The following ADARB2 variants were observed in gnomAD, a reference collection of about 807,000 sequenced individuals.
The protein encoded by ADARB2 is inactive double-stranded RNA-specific editase B2.
Under a neutral mutation model 62.2 loss-of-function variants are expected in ADARB2, and 25 were observed. That is an observed-to-expected ratio of 0.40 (90% CI 0.29 to 0.56). The LOEUF is 0.56. Among genes scored for constraint, ADARB2 ranks in the 20% least tolerant of loss-of-function variants. The pLI, the probability that ADARB2 is intolerant of heterozygous loss-of-function variation, is 0.43. For synonymous variants in ADARB2, 572 were observed against 500.8 expected (o/e 1.14, Z -1.90); for missense variants, 1,071 against 1,077.4 (o/e 0.99, Z 0.08).
intron 3 of ADARB2, among the ~76,000 whole-genome samples, chr10:1,346,684 C>A (rs1047915772): frequency 6.6e-6 from 1 of 152,250 alleles, no homozygotes; most frequent in Non-Finnish European, 1.5e-5. Context: ...GGCAGAGATG[C>A]CAGGGGTGCC....
At chr10:1,444,793 C>A (rs551247807) in intron 1 of ADARB2, among the ~76,000 whole-genome samples, 1 of 149,846 alleles carries the variant, frequency 6.7e-6, no homozygotes, top group African/African-American at 2.5e-5. Context: ...ATCCATCCAC[C>A]CACTCATTCA....
chr10:1,369,080 A>T (rs181513262), intron 2 of ADARB2, among the ~76,000 whole-genome samples: 36 of 152,334 alleles, frequency 2.4e-4, no homozygotes, highest in Admixed American at 3.9e-4. Context: ...AACCACTCAC[A>T]GCTTTAACGC....
At chr10:1,373,813 CGCGTGG>C (rs1330155006) in intron 2 of ADARB2, among the ~76,000 whole-genome samples, 5 of 110,394 alleles carry the variant, frequency 4.5e-5, no homozygotes, top group African/African-American at 6.9e-5. Context: ...CTAGTGAGAC[CGCGTGG>C]ACTCCGCGCA....
At chr10:1,267,412 A>G (rs1831215491) in intron 4 of ADARB2, among the ~76,000 whole-genome samples, 4 of 152,162 alleles carry the variant, frequency 2.6e-5, no homozygotes, top group Admixed American at 2.6e-4. Flanking sequence ...CTATGAGGGG[A>G]GACAAAGCAA....
At chr10:1,728,788 A>C (rs1835197044) in intron 1 of ADARB2, among the ~76,000 whole-genome samples, 1 of 152,240 alleles carries the variant, frequency 6.6e-6, no homozygotes, top group South Asian at 2.1e-4. Flanking sequence ...CCTGAGAGTG[A>C]AACAGTATAA....
intron 3 of ADARB2, among the ~76,000 whole-genome samples, chr10:1,315,221 C>T (rs996129637): frequency 2.0e-5 from 3 of 152,102 alleles, no homozygotes; most frequent in African/African-American, 4.8e-5. Flanking sequence ...GAGGCAGCTC[C>T]GGAAGAGCCG....
intron 3 of ADARB2, among the ~76,000 whole-genome samples, chr10:1,274,529 C>CTG (rs1260032151): frequency 6.6e-6 from 1 of 152,090 alleles, no homozygotes; most frequent in Non-Finnish European, 1.5e-5. Flanking sequence ...GGAGGCCTCT[C>CTG]TGTGTCACTT....
At chr10:1,465,305 T>C (rs562927530) in intron 1 of ADARB2, among the ~76,000 whole-genome samples, 1 of 152,298 alleles carries the variant, frequency 6.6e-6, no homozygotes, top group East Asian at 1.9e-4. Flanking sequence ...TTTTCAGCCA[T>C]GTGTGCTTGT....
chr10:1,423,056 T>C (rs878883952), intron 1 of ADARB2, among the ~76,000 whole-genome samples: 1 of 152,164 alleles, frequency 6.6e-6, no homozygotes, highest in African/African-American at 2.4e-5. Context: ...CTTGTGCATT[T>C]CTCCTGGAGC....
chr10:1,333,330 A>G (rs1831945989), intron 3 of ADARB2, among the ~76,000 whole-genome samples: 1 of 152,120 alleles, frequency 6.6e-6, no homozygotes, highest in African/African-American at 2.4e-5. Context: ...TTTGTCTACC[A>G]TGGCCCTGTG....
At chr10:1,537,954 A>T (rs1832354873) in intron 1 of ADARB2, among the ~76,000 whole-genome samples, 1 of 152,240 alleles carries the variant, frequency 6.6e-6, no homozygotes, top group South Asian at 2.1e-4. Flanking sequence ...CGTTCTGCAC[A>T]TGTATCCTGG....
At position 1,273,734 on chromosome 10, in the gene ADARB2, C is replaced by T. The variant is rs574130031; in HGVS notation, c.1078-2665G>A. Among the ~76,000 whole-genome samples, 22 of 152,338 alleles carry T rather than the reference C, an allele frequency of 1.4e-4. No homozygotes were observed. The South Asian group carries it at 3.7e-3, about 26-fold the overall frequency. ...CTCAGGCCTCGAGAAGTCAGCTTCT[C>T]AGCACCATGACAGACGGTGAAGGTG... On this transcript the variant is annotated intron_variant, in intron 3 of 9. Transcript: ENST00000381312.
intron 1 of ADARB2, among the ~76,000 whole-genome samples, chr10:1,733,849 G>A (rs1835264724): frequency 6.6e-6 from 1 of 152,172 alleles, no homozygotes; most frequent in Non-Finnish European, 1.5e-5. Flanking sequence ...GTGATGGCAG[G>A]TAACAGTCTC....
At chr10:1,713,744 T>TG (rs2119154532) in intron 1 of ADARB2, among the ~76,000 whole-genome samples, 1 of 152,300 alleles carries the variant, frequency 6.6e-6, no homozygotes, top group Non-Finnish European at 1.5e-5. Context: ...TCCGGTCCCG[T>TG]GGGGAACATG....
intron 1 of ADARB2, among the ~76,000 whole-genome samples, 158 bp downstream of exon 1, chr10:1,736,893 G>C (rs1047160744): frequency 6.6e-6 from 1 of 152,206 alleles, no homozygotes. Context: ...ATTTCCACGG[G>C]ATCTGAACTC....
At chr10:1,664,798 G>C (rs1029428398) in intron 1 of ADARB2, among the ~76,000 whole-genome samples, 8 of 152,224 alleles carry the variant, frequency 5.3e-5, no homozygotes, top group Non-Finnish European at 1.0e-4. Context: ...CCCCAGCCTA[G>C]GGCGCTGTGT....
chr10:1,540,180 G>A (rs1020158416), intron 1 of ADARB2, among the ~76,000 whole-genome samples: 9 of 152,008 alleles, frequency 5.9e-5, no homozygotes, highest in Admixed American at 4.6e-4. Flanking sequence ...GCAGTTGCTC[G>A]TTCTTGGCTG....
intron 1 of ADARB2, among the ~76,000 whole-genome samples, chr10:1,612,035 G>A (rs1430199521): frequency 6.6e-6 from 1 of 152,182 alleles, no homozygotes; most frequent in African/African-American, 2.4e-5. Flanking sequence ...CCAGCGCTGG[G>A]GGGCACGATG....
At chr10:1,408,543 C>G (rs546212149) in intron 1 of ADARB2, among the ~76,000 whole-genome samples, 1 of 152,132 alleles carries the variant, frequency 6.6e-6, no homozygotes, top group African/African-American at 2.4e-5. Context: ...ACAGTCACAC[C>G]GAGTCCCAGG....
Sources: allele counts gnomAD v4.1 joint callset (sites outside exome capture counted in the v4.1 genomes callset), GRCh38; gene constraint gnomAD v4.1.1; transcripts MANE v1.5; gene names NCBI Gene and HGNC (gene_info 2026-07-23, HGNC 2026-07-21).